The following CCSER1 variants were observed in gnomAD, a reference collection of about 807,000 sequenced individuals.
CCSER1 encodes coiled-coil serine rich protein 1, also known as serine-rich coiled-coil domain-containing protein 1.
A neutral mutation model predicts 82.0 loss-of-function variants in CCSER1; 41 were observed. The observed-to-expected ratio is 0.50, with a 90% CI of 0.39 to 0.65. CCSER1 has a LOEUF of 0.65. CCSER1 is among the 30% of genes least tolerant of loss of function. The pLI, the probability that CCSER1 is intolerant of heterozygous loss-of-function variation, is 0.00. For synonymous variants in CCSER1, 414 were observed against 383.9 expected, an observed-to-expected ratio of 1.08 and a Z score of -0.92; for missense variants, 1,119 against 1,064.2, an observed-to-expected ratio of 1.05 and a Z score of -0.72.
At chr4:90,778,883 CA>C (rs1753342504) in intron 7 of CCSER1, among the ~76,000 whole-genome samples, 1 of 152,090 alleles carries the variant, frequency 6.6e-6, no homozygotes, top group Admixed American at 6.6e-5. Flanking sequence ...AAAATTGCTT[CA>C]GACAGTATCT....
At position 91,602,556 on chromosome 4, in the gene CCSER1, G is replaced by GAAAT. The variant is rs1764851795; in HGVS notation, c.*3501_*3504dup. ...GTCATCATCAGCTTCTCATTATAAA[G>GAAAT]AAATAGTAACCCATAGCAGTGGATA... On this transcript the variant is annotated 3_prime_UTR_variant, in exon 11 of 11. Transcript: ENST00000509176. Among the ~76,000 whole-genome samples, 1 of 151,900 alleles carries GAAAT rather than the reference G, an allele frequency of 6.6e-6. No homozygotes were observed. The highest frequency in any genetic ancestry group is 1.5e-5 in the Non-Finnish European group (1 of 67,912).
chr4:91,191,276 G>C (rs911067241), intron 10 of CCSER1, among the ~76,000 whole-genome samples: 1 of 151,988 alleles, frequency 6.6e-6, no homozygotes, highest in African/African-American at 2.4e-5. Flanking sequence ...TATTTCTGTT[G>C]TATCTTCAAT....
intron 10 of CCSER1, among the ~76,000 whole-genome samples, chr4:91,215,796 A>G (rs188071713): frequency 5.3e-4 from 81 of 152,296 alleles, no homozygotes; most frequent in African/African-American, 1.5e-3. Flanking sequence ...CCATCATATT[A>G]AGTACATTAA....
chr4:90,616,616 C>T (rs751628726), intron 5 of CCSER1, among the ~76,000 whole-genome samples: 12 of 148,102 alleles, frequency 8.1e-5, no homozygotes, highest in South Asian at 2.3e-4. Flanking sequence ...ACCTGGGAGG[C>T]GGAGGTTGCA....
At chr4:90,319,019 G>C (rs532761670) in intron 3 of CCSER1, among the ~76,000 whole-genome samples, 2 of 152,150 alleles carry the variant, frequency 1.3e-5, no homozygotes, top group Non-Finnish European at 2.9e-5. Context: ...AAGTTAAGAA[G>C]AGTTAAAATG....
At chr4:90,460,400 A>G (rs913813856) in intron 4 of CCSER1, among the ~76,000 whole-genome samples, 2 of 151,304 alleles carry the variant, frequency 1.3e-5, no homozygotes, top group African/African-American at 4.9e-5. Context: ...AATTTCAATT[A>G]TAATAGACCT....
At chr4:91,015,155 A>G (rs1024011242) in intron 9 of CCSER1, among the ~76,000 whole-genome samples, 4 of 152,096 alleles carry the variant, frequency 2.6e-5, no homozygotes, top group African/African-American at 9.7e-5. Context: ...TAATGTGAGT[A>G]TAATAACATT....
At chr4:91,415,071 G>A (rs79552502) in intron 10 of CCSER1, among the ~76,000 whole-genome samples, 3,445 of 152,200 alleles carry the variant, frequency 0.023, 107 homozygotes, top group African/African-American at 0.077. Context: ...ATAGTGCTAT[G>A]TGGCAAATAG....
chr4:91,551,531 C>CAAAG (rs1435700824), intron 10 of CCSER1, among the ~76,000 whole-genome samples: 1 of 151,996 alleles, frequency 6.6e-6, no homozygotes, highest in African/African-American at 2.4e-5. Context: ...TAGAGACTTC[C>CAAAG]AAAGACCCAT....
chr4:90,452,708 C>G (rs942214834), intron 4 of CCSER1, among the ~76,000 whole-genome samples: 1 of 152,160 alleles, frequency 6.6e-6, no homozygotes, highest in Admixed American at 6.5e-5. Context: ...GGTCAAAGGC[C>G]CTTTTAGCCT....
At chr4:90,915,262 C>T (rs1727155592) in intron 8 of CCSER1, among the ~76,000 whole-genome samples, 1 of 152,072 alleles carries the variant, frequency 6.6e-6, no homozygotes, top group Admixed American at 6.6e-5. Context: ...TGCAAAAATC[C>T]TCAATAAAAT....
intron 7 of CCSER1, among the ~76,000 whole-genome samples, chr4:90,742,872 C>T (rs1514733): frequency 0.4 from 60,917 of 151,726 alleles, 13,336 homozygotes; most frequent in African/African-American, 0.6. Context: ...TTTATTGTAC[C>T]ATGTGGATGC....
chr4:91,525,743 C>T (rs539079509), intron 10 of CCSER1, among the ~76,000 whole-genome samples: 12 of 152,202 alleles, frequency 7.9e-5, no homozygotes, highest in African/African-American at 2.6e-4. Context: ...ACCCTCTTAC[C>T]TATGCTTCTT....
In CCSER1 at chr4:90,770,633, C is replaced by T. The variant is rs549309610; in HGVS notation, c.2011-45129C>T. On this transcript the variant is annotated intron_variant, in intron 7 of 10. Coordinates refer to ENST00000509176, the MANE Select transcript of CCSER1 (RefSeq NM_001145065.2). Reference sequence around the variant, plus strand: ...CAGTGGTTACCATGTATTATGCCATCATTGTATTCCTTTTTCTTTCTGTCA... The same window carrying T: ...CAGTGGTTACCATGTATTATGCCATTATTGTATTCCTTTTTCTTTCTGTCA... Among the ~76,000 whole-genome samples the T allele has an allele frequency of 5.3e-5, 8 of 152,234 alleles. No individual in the cohort carries two copies. The South Asian group carries it at 1.2e-3, about 24-fold the overall frequency.
At chr4:90,542,557 C>T (rs928570498) in intron 5 of CCSER1, among the ~76,000 whole-genome samples, 8 of 151,956 alleles carry the variant, frequency 5.3e-5, no homozygotes, top group Non-Finnish European at 1.2e-4. Context: ...ACAAACTGTG[C>T]TAACAAACTA....
chr4:90,801,927 G>A (rs7668936), intron 7 of CCSER1, among the ~76,000 whole-genome samples: 51,571 of 151,826 alleles, frequency 0.34, 8,942 homozygotes, highest in East Asian at 0.42. Context: ...TAGAATATAT[G>A]TATAATTCTA....
chr4:91,543,936 G>A (rs922780643), intron 10 of CCSER1, among the ~76,000 whole-genome samples: 4 of 152,094 alleles, frequency 2.6e-5, no homozygotes, highest in Non-Finnish European at 5.9e-5. Context: ...TTTCAGGTAT[G>A]CCAGTCAGAC....
At chr4:90,819,190 A>C (rs1561193420) in intron 8 of CCSER1, among the ~76,000 whole-genome samples, 1 of 152,134 alleles carries the variant, frequency 6.6e-6, no homozygotes, top group Non-Finnish European at 1.5e-5. Context: ...AAGAGAGATC[A>C]TGTGAGCCCT....
At chr4:91,077,434 G>A (rs182957843) in intron 9 of CCSER1, among the ~76,000 whole-genome samples, 2 of 152,296 alleles carry the variant, frequency 1.3e-5, no homozygotes, top group African/African-American at 4.8e-5. Context: ...AGAAAAAATA[G>A]TAAAATGTGA....
Sources: gnomAD v4.1 joint callset for allele counts (sites outside exome capture counted in the v4.1 genomes callset) on GRCh38, gnomAD v4.1.1 for gene constraint, MANE v1.5 for transcripts, NCBI Gene and HGNC (gene_info 2026-07-23, HGNC 2026-07-21) for gene names.